The following TMEM114 variants were observed in gnomAD, a reference collection of about 807,000 sequenced individuals.
TMEM114 encodes the protein claudin-26.
Under a neutral mutation model 6.2 loss-of-function variants are expected in TMEM114, and 6 were observed. The observed-to-expected ratio is 0.97, with a 90% CI of 0.53 to 1.91. The LOEUF is 1.91. TMEM114 is among the 40% of genes most tolerant of loss of function. The pLI is 0.01. For missense variants in TMEM114, 218 were observed against 158.3 expected (o/e 1.38, Z -2.02); for synonymous variants, 104 against 73.0 (o/e 1.42, Z -2.16).
intron 2 of TMEM114, among the ~76,000 whole-genome samples, chr16:8,581,272 TA>T (rs1367595336): frequency 4.6e-5 from 7 of 152,212 alleles, no homozygotes; most frequent in African/African-American, 1.4e-4. Context: ...ATATTAACAC[TA>T]ATATGCATTA....
chr16:8,534,608 C>T (rs535930256), downstream of TMEM114, among the ~76,000 whole-genome samples: 26 of 152,246 alleles, frequency 1.7e-4, no homozygotes, highest in Admixed American at 1.3e-3. Context: ...GGATAACACA[C>T]ACAAGTGCTT....
chr16:8,583,115 T>G (rs1292369143), intron 2 of TMEM114, among the ~76,000 whole-genome samples: 1 of 152,184 alleles, frequency 6.6e-6, no homozygotes, highest in Non-Finnish European at 1.5e-5. Flanking sequence ...CTTGGGCTGT[T>G]GTGAAGATTA....
intron 2 of TMEM114, among the ~76,000 whole-genome samples, chr16:8,560,955 C>T (rs1204344123): frequency 6.6e-6 from 1 of 152,182 alleles, no homozygotes; most frequent in African/African-American, 2.4e-5. Context: ...AGGCAAAAGA[C>T]ACGTCTTATA....
At chr16:8,527,542 G>GT in the TMEM114 span, among the ~76,000 whole-genome samples, 1 of 67,090 alleles carries the variant, frequency 1.5e-5, no homozygotes, top group African/African-American at 5.9e-5. Context: ...TCTGTAGTAA[G>GT]ATTTTTTTTA....
intron 2 of TMEM114, among the ~76,000 whole-genome samples, chr16:8,576,938 G>A (rs1901958361): frequency 6.6e-6 from 1 of 152,192 alleles, no homozygotes; most frequent in Non-Finnish European, 1.5e-5. Flanking sequence ...GGTGCCTTAA[G>A]AGACTCAGAC....
intron 2 of TMEM114, among the ~76,000 whole-genome samples, chr16:8,560,513 C>T (rs1469544883): frequency 1.3e-5 from 2 of 152,162 alleles, no homozygotes; most frequent in Non-Finnish European, 2.9e-5. Flanking sequence ...GCACAGAGGA[C>T]GCACTTCCTG....
intron 2 of TMEM114, among the ~76,000 whole-genome samples, chr16:8,552,721 G>C (rs896752626): frequency 1.8e-4 from 26 of 148,280 alleles, no homozygotes; most frequent in African/African-American, 6.0e-4. Flanking sequence ...AAAAAAAAAA[G>C]ACAATGGCTG....
intron 2 of TMEM114, among the ~76,000 whole-genome samples, chr16:8,557,270 T>C (rs116463951): frequency 1.4e-3 from 217 of 152,254 alleles, no homozygotes; most frequent in Middle Eastern, 0.014. Context: ...AACTTCCACC[T>C]TGCCCATGGG....
downstream of TMEM114, among the ~76,000 whole-genome samples, chr16:8,532,857 G>A (rs1206672154): frequency 6.6e-6 from 1 of 152,148 alleles, no homozygotes; most frequent in Non-Finnish European, 1.5e-5. Flanking sequence ...CCAGGAGGCG[G>A]AGCTTGCAGT....
At chr16:8,565,238 A>C (rs1344117060), downstream of TMEM114, among the ~76,000 whole-genome samples, 1 of 152,198 alleles carries the variant, frequency 6.6e-6, no homozygotes, top group African/African-American at 2.4e-5. Context: ...TGAATGAAGC[A>C]TGGGACAGGT....
intron 2 of TMEM114, among the ~76,000 whole-genome samples, chr16:8,561,190 T>C (rs1901187574): frequency 6.6e-6 from 1 of 152,240 alleles, no homozygotes; most frequent in South Asian, 2.1e-4. Flanking sequence ...GTTTTCAGTC[T>C]ACTCCTGTCT....
chr16:8,571,373 G>A (rs1305055318), intron 3 of TMEM114, among the ~76,000 whole-genome samples: 1 of 152,202 alleles, frequency 6.6e-6, no homozygotes, highest in East Asian at 1.9e-4. Context: ...TGTGTACACT[G>A]TGGAGTGGCT....
chr16:8,539,484 C>T (rs1400777936), intron 2 of TMEM114, among the ~76,000 whole-genome samples: 1 of 152,222 alleles, frequency 6.6e-6, no homozygotes, highest in Non-Finnish European at 1.5e-5. Flanking sequence ...AGCAGCCTCA[C>T]ATGCCTGGAC....
At position 8,569,958 on chromosome 16, in the gene TMEM114, CG is replaced by C. The variant is rs1567206332; in HGVS notation, c.486del (p.Ala163ProfsTer53). 1 of 1,550,978 alleles carries C rather than the reference CG, an allele frequency of 6.4e-7. No individual in the cohort carries two copies. The highest frequency in any genetic ancestry group is 8.7e-7 in the Non-Finnish European group (1 of 1,146,956). ...AGISVYIAYS[A>X]AAFREALCLL... ...AGACACAGCGCCTCCCGGAAGGCGGCGGCTGAATACGCTATGTAGACGCTGA... is the reference window on the plus strand; with the variant it reads ...AGACACAGCGCCTCCCGGAAGGCGGCGCTGAATACGCTATGTAGACGCTGA... On this transcript the variant is annotated frameshift_variant, in exon 4 of 4. Transcript: ENST00000620492. LOFTEE classifies it high-confidence loss of function.
chr16:8,555,115 G>A (rs1900966210), intron 2 of TMEM114, among the ~76,000 whole-genome samples: 2 of 152,212 alleles, frequency 1.3e-5, no homozygotes, highest in South Asian at 4.1e-4. Flanking sequence ...TTTTGCCCAT[G>A]TGAGTTGGTG....
chr16:8,544,281 G>T (rs1900596751), intron 2 of TMEM114, among the ~76,000 whole-genome samples: 1 of 152,178 alleles, frequency 6.6e-6, no homozygotes, highest in African/African-American at 2.4e-5. Flanking sequence ...AGTATAATTT[G>T]TCTAAGTGGT....
At chr16:8,553,724 G>T (rs968366029) in intron 2 of TMEM114, among the ~76,000 whole-genome samples, 1 of 151,934 alleles carries the variant, frequency 6.6e-6, no homozygotes, top group African/African-American at 2.4e-5. Flanking sequence ...CTCATGGTCC[G>T]CCCACCTCGG....
At chr16:8,558,212 C>T (rs1901077436) in intron 2 of TMEM114, among the ~76,000 whole-genome samples, 1 of 152,168 alleles carries the variant, frequency 6.6e-6, no homozygotes, top group African/African-American at 2.4e-5. Flanking sequence ...CACGCCACTT[C>T]ACTCCAGCCT....
At chr16:8,546,441 C>A (rs1174538942) in intron 2 of TMEM114, among the ~76,000 whole-genome samples, 1 of 152,172 alleles carries the variant, frequency 6.6e-6, no homozygotes, top group Admixed American at 6.5e-5. Flanking sequence ...AAGATGAACC[C>A]TGACCCAAAA....
Sources: gnomAD v4.1 joint callset for allele counts (sites outside exome capture counted in the v4.1 genomes callset) on GRCh38, gnomAD v4.1.1 for gene constraint, MANE v1.5 for transcripts, NCBI Gene and HGNC (gene_info 2026-07-23, HGNC 2026-07-21) for gene names.